Variants in PCNX2 observed in about 807,000 individuals in gnomAD.
PCNX2 encodes the protein pecanex 2, also known as pecanex-like protein 2.
A neutral mutation model predicts 223.8 loss-of-function variants in PCNX2; 168 were observed. The ratio of observed to expected loss-of-function variants is 0.75; its 90% confidence interval spans 0.66 to 0.85. PCNX2 has a LOEUF of 0.85. Ranked by LOEUF, PCNX2 falls within the 40% of genes least tolerant of loss-of-function variation. The pLI, the probability that PCNX2 is intolerant of heterozygous loss-of-function variation, is 0.00. For synonymous variants in PCNX2, 1,006 were observed against 1,052.6 expected (o/e 0.96, Z 0.86); for missense variants, 2,507 against 2,675.5 (o/e 0.94, Z 1.39).
At chr1:232,987,564 G>A (rs371178357) in intron 32 of PCNX2, among the ~76,000 whole-genome samples, 2 of 152,186 alleles carry the variant, frequency 1.3e-5, no homozygotes, top group Non-Finnish European at 2.9e-5. Context: ...GGGGGCGGAG[G>A]CATGAGTATC....
In PCNX2 at chr1:232,991,457, G is replaced by C. The variant is rs570378052; in HGVS notation, c.5792-4917C>G. On this transcript the variant is annotated intron_variant, in intron 32 of 33. Coordinates refer to ENST00000258229, the MANE Select transcript of PCNX2 (RefSeq NM_014801.4). The surrounding 1 kb of genome is among the most constrained non-coding windows in gnomAD (Gnocchi z 4.3). The stretch of plus-strand genomic sequence containing the variant: ...GGGGAGGGGTGCTCATGGGATGCGC[G>C]TGGGTGTTCCGGGCTGAATCATGTT... Among the ~76,000 whole-genome samples, 9 of 152,204 alleles carry C rather than the reference G, an allele frequency of 5.9e-5. No homozygotes were observed. The highest frequency in any genetic ancestry group is 3.4e-3 in the Middle Eastern group (1 of 294).
chr1:233,018,725 T>C, intron 26 of PCNX2: 18 of 979,252 alleles, frequency 1.8e-5, no homozygotes, highest in Non-Finnish European at 2.2e-5. Context: ...CTCCAGGCTA[T>C]TGAGGCTGAG....
intron 1 of PCNX2, among the ~76,000 whole-genome samples, chr1:233,276,774 A>T (rs372395688): frequency 5.3e-5 from 8 of 152,228 alleles, no homozygotes; most frequent in East Asian, 3.9e-4. Context: ...ATCAAGCTCC[A>T]CGTTCATTTA....
intron 1 of PCNX2, among the ~76,000 whole-genome samples, chr1:233,274,774 A>G (rs1317059343): frequency 6.6e-6 from 1 of 152,258 alleles, no homozygotes; most frequent in Non-Finnish European, 1.5e-5. Context: ...AATCACAGAC[A>G]TGCGGTATTT....
chr1:233,233,424 CTGTG>C (rs57458756), intron 9 of PCNX2, among the ~76,000 whole-genome samples: 9,628 of 140,200 alleles, frequency 0.069, 314 homozygotes, highest in Middle Eastern at 0.091. Flanking sequence ...TCCTCTTCTC[CTGTG>C]TGTGTGTGTG....
In PCNX2 at chr1:233,129,400, G is replaced by A. The variant is rs371989664; in HGVS notation, c.3837+5613C>T. On this transcript the variant is annotated intron_variant, in intron 21 of 33. Coordinates refer to ENST00000258229, the MANE Select transcript of PCNX2 (RefSeq NM_014801.4). ...GCCTAAGCTTCCCCCACCCCGCCCC[G>A]CCGCGGTGGGCTCCTGGCAGCCCAA... Among the ~76,000 whole-genome samples, 18 of 152,266 alleles carry A rather than the reference G, an allele frequency of 1.2e-4. 1 individual carries two copies. In the East Asian group the frequency reaches 1.5e-3, roughly 13 times the overall value.
Position 232,999,318 on chromosome 1 carries a change from C to A in PCNX2, c.5390G>T (p.Arg1797Leu). Residue 1797 changes from arginine to leucine, a missense_variant, in exon 31 of 34, where the codon CGC (arginine) becomes CTC (leucine). This residue lies in a region of PCNX2 where 1,372 missense variants were observed against 1,509.4 expected (regional missense o/e 0.91). Transcript: ENST00000258229. Reference protein sequence around the residue: ...AGQQQELIFLRNRNPERGSIQ... With the variant: ...AGQQQELIFLLNRNPERGSIQ... ...ACTGCCGCGCTCCGGATTGCGGTTGCGAAGAAATATAAGCTCCTGCTGCTG... is the reference window on the plus strand; with the variant it reads ...ACTGCCGCGCTCCGGATTGCGGTTGAGAAGAAATATAAGCTCCTGCTGCTG... The A allele has an allele frequency of 6.2e-7, 1 of 1,605,740 alleles. No homozygotes were observed. The highest frequency in any genetic ancestry group is 8.5e-7 in the Non-Finnish European group (1 of 1,175,978).
chr1:233,263,984 T>C (rs1660200165), intron 1 of PCNX2, among the ~76,000 whole-genome samples: 1 of 152,138 alleles, frequency 6.6e-6, no homozygotes, highest in Non-Finnish European at 1.5e-5. Flanking sequence ...AGGGTTGTAT[T>C]GCACACAGGG....
At chr1:233,052,501 C>A (rs561612894) in intron 25 of PCNX2, among the ~76,000 whole-genome samples, 2 of 152,264 alleles carry the variant, frequency 1.3e-5, no homozygotes, top group Admixed American at 1.3e-4. Flanking sequence ...TAAGGCCCTT[C>A]CTCTTTCTCC....
chr1:233,199,052 T>C (rs1307132178), intron 14 of PCNX2, 22 bp from the exon 15 acceptor site: 1 of 1,538,962 alleles, frequency 6.5e-7, no homozygotes, highest in African/African-American at 1.4e-5. Flanking sequence ...ACATCAACAG[T>C]TCTTTTCTAG....
At chr1:233,168,872 C>T (rs1353190814) in intron 17 of PCNX2, among the ~76,000 whole-genome samples, 1 of 151,840 alleles carries the variant, frequency 6.6e-6, no homozygotes, top group Non-Finnish European at 1.5e-5. Context: ...CTAATTTTTC[C>T]AGTGCTAATG....
intron 27 of PCNX2, among the ~76,000 whole-genome samples, chr1:233,015,764 CT>C (rs1238590420): frequency 6.6e-6 from 1 of 151,886 alleles, no homozygotes; most frequent in East Asian, 1.9e-4. Context: ...GTCCCATCTA[CT>C]AGGGAGGTTA....
At chr1:233,171,069 T>C (rs1679123828) in intron 17 of PCNX2, among the ~76,000 whole-genome samples, 1 of 152,230 alleles carries the variant, frequency 6.6e-6, no homozygotes, top group South Asian at 2.1e-4. Flanking sequence ...TATTCTTCTC[T>C]TGGACATTAC....
chr1:233,227,132 G>A, intron 10 of PCNX2, 94 bp downstream of exon 10: 2 of 1,354,196 alleles, frequency 1.5e-6, no homozygotes, highest in East Asian at 2.6e-5. Flanking sequence ...TTGAAAATGT[G>A]CAAGTGACAA....
intron 20 of PCNX2, among the ~76,000 whole-genome samples, chr1:233,136,534 G>A (rs958813442): frequency 8.5e-5 from 13 of 152,140 alleles, no homozygotes; most frequent in Non-Finnish European, 1.3e-4. Context: ...GCCTTGTACA[G>A]CAGGCTTGGA....
In PCNX2 at chr1:233,177,918, A is replaced by G. The variant is rs779979862; in HGVS notation, c.3177-20T>C. 1 of 1,584,146 alleles carries G rather than the reference A, an allele frequency of 6.3e-7. No individual in the cohort carries two copies. Among genetic ancestry groups the G allele is most frequent in the Non-Finnish European group, 8.7e-7 (1 of 1,153,060 alleles). ...AAGGACCTGAAAGTGGAAAAACACA[A>G]TACTTCATCAAAGATGTTCCTGGGA... On this transcript the variant is annotated intron_variant, in intron 16 of 33. Coordinates refer to ENST00000258229, the MANE Select transcript of PCNX2 (RefSeq NM_014801.4).
chr1:233,256,974 T>A (rs965479398), intron 5 of PCNX2, among the ~76,000 whole-genome samples: 1 of 152,180 alleles, frequency 6.6e-6, no homozygotes, highest in Non-Finnish European at 1.5e-5. Context: ...CAACTTTCAG[T>A]CAGCATTCCT....
At chr1:233,113,473 C>A (rs1571890541) in intron 21 of PCNX2, among the ~76,000 whole-genome samples, 1 of 152,234 alleles carries the variant, frequency 6.6e-6, no homozygotes, top group Non-Finnish European at 1.5e-5. Context: ...CACCCAACCC[C>A]TGCATCCAAG....
intron 30 of PCNX2, 83 bp from the exon 31 acceptor site, chr1:232,999,462 T>C (rs1209431724): frequency 2.1e-6 from 3 of 1,423,582 alleles, no homozygotes; most frequent in South Asian, 3.1e-5. Context: ...CTTTTTTTTT[T>C]TTTTTTTTGA....
Sources: gnomAD v4.1 joint callset for allele counts (sites outside exome capture counted in the v4.1 genomes callset) on GRCh38, gnomAD v4.1.1 for gene constraint, gnomAD v4.1.1 regional missense constraint, Gnocchi (gnomAD v3.1) non-coding constraint, MANE v1.5 for transcripts, NCBI Gene and HGNC (gene_info 2026-07-23, HGNC 2026-07-21) for gene names.